LUZP2: variants seen among roughly 807,000 people sequenced by gnomAD.
LUZP2 encodes leucine zipper protein 2.
A neutral mutation model predicts 51.6 loss-of-function variants in LUZP2; 52 were observed. The observed-to-expected ratio is 1.01, with a 90% CI of 0.81 to 1.27. The LOEUF (loss-of-function observed/expected upper bound fraction) is 1.27, where lower values mean the gene tolerates loss of function less well. LUZP2 is among the 50% of genes most tolerant of loss of function. LUZP2 has a pLI of 0.00. For synonymous variants in LUZP2, 154 were observed against 137.3 expected (o/e 1.12, Z -0.85); for missense variants, 436 against 395.4 (o/e 1.10, Z -0.87).
Position 24,642,229 on chromosome 11 carries a change from C to T in LUZP2, c.63-86940C>T, listed in dbSNP as rs188256855. 4.6e-5 allele frequency among the ~76,000 whole-genome samples: 7 copies of T among 151,782 alleles called. No homozygotes were observed. The East Asian group carries it at 7.7e-4, about 17-fold the overall frequency. On this transcript the variant is annotated intron_variant, in intron 1 of 11. Coordinates refer to ENST00000336930, the MANE Select transcript of LUZP2 (RefSeq NM_001009909.4). ...AGACATAGGATTTTTAGCTAATAAA[C>T]GTTCATCTTTAGCAGAGTTACACAA...
At chr11:24,507,599 G>C (rs907111524) in intron 1 of LUZP2, among the ~76,000 whole-genome samples, 12 of 151,958 alleles carry the variant, frequency 7.9e-5, no homozygotes, top group African/African-American at 2.9e-4. Flanking sequence ...AAATGTCTGA[G>C]ATAAACTACA....
intron 1 of LUZP2, among the ~76,000 whole-genome samples, chr11:24,694,283 T>C (rs1018330588): frequency 6.6e-6 from 1 of 152,034 alleles, no homozygotes. Flanking sequence ...TTTGTTTTCT[T>C]AGTTTAGAAT....
chr11:24,751,499 A>T, intron 4 of LUZP2: 1 of 706,044 alleles, frequency 1.4e-6, no homozygotes, highest in Non-Finnish European at 1.7e-6. Flanking sequence ...TCAAGGTAAC[A>T]TCAGTGCAGT....
At chr11:24,948,902 T>C (rs1024504652) in intron 7 of LUZP2, among the ~76,000 whole-genome samples, 21 of 151,534 alleles carry the variant, frequency 1.4e-4, no homozygotes, top group African/African-American at 4.6e-4. Flanking sequence ...CTTAGATAGA[T>C]AGATCAGCAG....
chr11:25,056,250 A>G (rs967629740), intron 10 of LUZP2, among the ~76,000 whole-genome samples: 11 of 152,154 alleles, frequency 7.2e-5, no homozygotes, highest in African/African-American at 1.9e-4. Context: ...AGTATCTGAA[A>G]CTAGAATTAG....
At chr11:24,750,629 G>C (rs992933010) in intron 4 of LUZP2, among the ~76,000 whole-genome samples, 16 of 152,006 alleles carry the variant, frequency 1.1e-4, no homozygotes, top group African/African-American at 3.9e-4. Context: ...CCTCAAGAAG[G>C]GTATTTAAAT....
chr11:24,964,017 A>G (rs1162267197), intron 7 of LUZP2, among the ~76,000 whole-genome samples: 1 of 152,168 alleles, frequency 6.6e-6, no homozygotes, highest in Non-Finnish European at 1.5e-5. Flanking sequence ...CTTTTGGATA[A>G]ATGCCCAGAA....
Position 25,026,532 on chromosome 11 carries a change from G to A in LUZP2, c.766-23506G>A, listed in dbSNP as rs553375611. ...GAACTTAAGCTTATTGCCTTAAAAT[G>A]TGATTATTTTTTTCTAATTAATTTT... On this transcript the variant is annotated intron_variant, in intron 9 of 11. Transcript: ENST00000336930. Among the ~76,000 whole-genome samples, 19 of 124,364 alleles carry A rather than the reference G, an allele frequency of 1.5e-4. No homozygotes were observed. The South Asian group carries it at 4.8e-3, about 31-fold the overall frequency. 81.6% of individuals were successfully genotyped at this position (124,364 alleles called of 152,430 possible).
intron 1 of LUZP2, among the ~76,000 whole-genome samples, chr11:24,562,189 A>C (rs1564991979): frequency 6.6e-6 from 1 of 152,112 alleles, no homozygotes; most frequent in Admixed American, 6.5e-5. Context: ...AAAATATAAA[A>C]AATAAATATT....
intron 1 of LUZP2, among the ~76,000 whole-genome samples, chr11:24,697,356 G>A (rs1451044915): frequency 6.6e-6 from 1 of 152,088 alleles, no homozygotes; most frequent in Non-Finnish European, 1.5e-5. Flanking sequence ...TAGAAAAATG[G>A]AATGACAAGA....
chr11:24,851,751 CT>C (rs1271620372), intron 5 of LUZP2, among the ~76,000 whole-genome samples: 10 of 151,930 alleles, frequency 6.6e-5, no homozygotes, highest in Non-Finnish European at 1.0e-4. Context: ...TCATCCTGGG[CT>C]TTTTTTGGTT....
chr11:24,810,847 G>C (rs752301306), intron 5 of LUZP2, among the ~76,000 whole-genome samples: 5 of 152,144 alleles, frequency 3.3e-5, no homozygotes, highest in Non-Finnish European at 7.4e-5. Flanking sequence ...ACCAAGTGTT[G>C]CTGTTACCGT....
intron 1 of LUZP2, among the ~76,000 whole-genome samples, chr11:24,545,684 TG>T (rs1163995380): frequency 6.6e-6 from 1 of 152,034 alleles, no homozygotes; most frequent in East Asian, 1.9e-4. Flanking sequence ...TTTTGGTTGC[TG>T]TAGCACCATA....
At chr11:24,613,867 A>G (rs917248812) in intron 1 of LUZP2, among the ~76,000 whole-genome samples, 3 of 152,074 alleles carry the variant, frequency 2.0e-5, no homozygotes, top group Non-Finnish European at 2.9e-5. Flanking sequence ...CTCTCTGCAT[A>G]TGCGAAATAT....
intron 1 of LUZP2, among the ~76,000 whole-genome samples, chr11:24,537,206 T>C (rs1851203247): frequency 6.6e-6 from 1 of 151,954 alleles, no homozygotes; most frequent in Non-Finnish European, 1.5e-5. Context: ...CAAACAGAAG[T>C]GAGCCTATAC....
At chr11:24,773,884 A>G (rs1848826472) in intron 5 of LUZP2, among the ~76,000 whole-genome samples, 1 of 152,122 alleles carries the variant, frequency 6.6e-6, no homozygotes, top group Admixed American at 6.5e-5. Context: ...CGAGGACCCT[A>G]ACCACAAAGC....
chr11:25,036,447 G>T (rs1482217455), intron 9 of LUZP2, among the ~76,000 whole-genome samples: 1 of 151,756 alleles, frequency 6.6e-6, no homozygotes, highest in Non-Finnish European at 1.5e-5. Context: ...CTCTTATATG[G>T]ATTGTTGCAT....
At chr11:25,063,961 G>A (rs2134044525) in intron 10 of LUZP2, among the ~76,000 whole-genome samples, 1 of 151,822 alleles carries the variant, frequency 6.6e-6, no homozygotes, top group Admixed American at 6.6e-5. Context: ...TCTGAATGCA[G>A]ATCCTGCACT....
At chr11:25,041,064 C>T (rs1210602798) in intron 9 of LUZP2, among the ~76,000 whole-genome samples, 3 of 152,054 alleles carry the variant, frequency 2.0e-5, no homozygotes, top group Non-Finnish European at 4.4e-5. Flanking sequence ...CCCTCATTAC[C>T]TGTTGTCAGT....
Sources: gnomAD v4.1 joint callset for allele counts (sites outside exome capture counted in the v4.1 genomes callset) on GRCh38, gnomAD v4.1.1 for gene constraint, MANE v1.5 for transcripts, NCBI Gene and HGNC (gene_info 2026-07-23, HGNC 2026-07-21) for gene names.